KCNH8: variants seen among roughly 807,000 people sequenced by gnomAD.
KCNH8 encodes potassium voltage-gated channel subfamily H member 8.
Under a neutral mutation model 103.6 loss-of-function variants are expected in KCNH8, and 70 were observed. That is an observed-to-expected ratio of 0.68 (90% CI 0.56 to 0.82). The LOEUF is 0.82. Among genes scored for constraint, KCNH8 ranks in the 40% least tolerant of loss-of-function variants. The probability of loss-of-function intolerance (pLI) is 0.00; values close to 1 mark genes in which losing one functional copy is unlikely to be tolerated. For missense variants in KCNH8, 1,217 were observed against 1,329.9 expected, an observed-to-expected ratio of 0.92 and a Z score of 1.32; for synonymous variants, 498 against 489.4, an observed-to-expected ratio of 1.02 and a Z score of -0.23.
intron 3 of KCNH8, among the ~76,000 whole-genome samples, chr3:19,322,447 A>T (rs544757267): frequency 3.7e-4 from 57 of 152,272 alleles, no homozygotes; most frequent in South Asian, 8.3e-4. Context: ...TCCTTCATTT[A>T]TGAAGCTTAG....
chr3:19,331,950 A>G (rs1024541127), intron 3 of KCNH8, among the ~76,000 whole-genome samples: 1 of 152,090 alleles, frequency 6.6e-6, no homozygotes, highest in Non-Finnish European at 1.5e-5. Flanking sequence ...ACTTGTGAAG[A>G]TCCATATTCA....
chr3:19,333,406 T>A (rs1393424919), intron 3 of KCNH8, among the ~76,000 whole-genome samples: 1 of 152,192 alleles, frequency 6.6e-6, no homozygotes, highest in African/African-American at 2.4e-5. Context: ...TGTTTAGAAT[T>A]GCAAATGCAT....
chr3:19,320,448 T>C (rs539354285), intron 3 of KCNH8, among the ~76,000 whole-genome samples: 148 of 152,162 alleles, frequency 9.7e-4, no homozygotes, highest in African/African-American at 3.3e-3. Flanking sequence ...TCTGTTTATG[T>C]GGTGTATCAT....
intron 2 of KCNH8, among the ~76,000 whole-genome samples, chr3:19,262,723 G>C (rs1336897231): frequency 6.6e-6 from 1 of 152,014 alleles, no homozygotes; most frequent in Admixed American, 6.6e-5. Context: ...AGAGTTCCTA[G>C]CGTGGACGAC....
At chr3:19,467,312 C>CAT (rs1158004193) in intron 11 of KCNH8, among the ~76,000 whole-genome samples, 1 of 151,806 alleles carries the variant, frequency 6.6e-6, no homozygotes, top group African/African-American at 2.4e-5. Context: ...CACACACACA[C>CAT]ACACACACAC....
chr3:19,484,686 G>A (rs529362793), intron 11 of KCNH8, among the ~76,000 whole-genome samples: 11 of 151,384 alleles, frequency 7.3e-5, no homozygotes, highest in Admixed American at 1.3e-4. Context: ...TCCTTTCCAC[G>A]GTGGCTGTAA....
chr3:19,390,779 C>T (rs1219071710), intron 6 of KCNH8, 141 bp downstream of exon 6: 5 of 701,068 alleles, frequency 7.1e-6, no homozygotes, highest in Non-Finnish European at 1.1e-5. Context: ...CAGTGATATG[C>T]AGGCCAGATT....
intron 7 of KCNH8, among the ~76,000 whole-genome samples, chr3:19,421,071 CACTTTTTAAAAAATTGGTGAAACAACT>C (rs1159744840): frequency 5.3e-5 from 8 of 152,214 alleles, no homozygotes; most frequent in East Asian, 3.9e-4. Flanking sequence ...TAGAATTTGA[CACTTTTTAAAAAATTGGTGAAACAACT>C]ACTTTTTAAA....
intron 1 of KCNH8, 149 bp from the exon 2 acceptor site, chr3:19,253,505 G>A (rs2064305087): frequency 3.1e-6 from 2 of 655,476 alleles, no homozygotes; most frequent in Non-Finnish European, 5.4e-6. Context: ...TCCATTTTAT[G>A]TTTTGGAGTG....
At chr3:19,318,073 A>G (rs1393711835) in intron 3 of KCNH8, among the ~76,000 whole-genome samples, 2 of 151,966 alleles carry the variant, frequency 1.3e-5, no homozygotes, top group Non-Finnish European at 2.9e-5. Flanking sequence ...GTATCTGGAA[A>G]TTTCCATCAT....
intron 5 of KCNH8, among the ~76,000 whole-genome samples, chr3:19,364,351 C>G (rs755411162): frequency 1.3e-5 from 2 of 152,062 alleles, no homozygotes; most frequent in African/African-American, 2.4e-5. Context: ...TGACTCAATA[C>G]GGCATTCATG....
intron 7 of KCNH8, among the ~76,000 whole-genome samples, chr3:19,399,658 G>A (rs1334487815): frequency 6.6e-6 from 1 of 151,854 alleles, no homozygotes; most frequent in Non-Finnish European, 1.5e-5. Flanking sequence ...GTGTGTGCTT[G>A]CAGTTGGTAA....
At position 19,253,773 on chromosome 3, in the gene KCNH8, A is replaced by G. The variant is rs752168041; in HGVS notation, c.196A>G (p.Ser66Gly). 6.2e-7 allele frequency: 1 copy of G among 1,613,868 alleles called. No homozygotes were observed. The highest frequency in any genetic ancestry group is 2.2e-5 in the East Asian group (1 of 44,866). ...ARTEVMQKSC[S>G]CKFLFGVETN... ...AACTGAAGTCATGCAGAAGAGTTGT[A>G]GCTGCAAGTTCTTATTTGGGGTTGA... The change falls in exon 2 of 16, where the codon AGC becomes GGC. Residue 66 changes from serine to glycine, a missense_variant. Physicochemically the swap from Ser to Gly is moderately conservative, Grantham distance 56. Transcript: ENST00000328405.
At chr3:19,283,913 G>C (rs2064791884) in intron 3 of KCNH8, among the ~76,000 whole-genome samples, 1 of 148,684 alleles carries the variant, frequency 6.7e-6, no homozygotes, top group Admixed American at 6.7e-5. Flanking sequence ...CTGCACTCTA[G>C]CCTGGGTGAC....
At chr3:19,466,687 A>C (rs1308487465) in intron 11 of KCNH8, among the ~76,000 whole-genome samples, 1 of 107,032 alleles carries the variant, frequency 9.3e-6, no homozygotes. Flanking sequence ...TTTTTAGATG[A>C]AGTCTCGCTC....
At chr3:19,360,505 T>TGAG (rs1246301017) in intron 5 of KCNH8, among the ~76,000 whole-genome samples, 1 of 152,082 alleles carries the variant, frequency 6.6e-6, no homozygotes, top group African/African-American at 2.4e-5. Flanking sequence ...TCAGCAGAGT[T>TGAG]GAGTGGTTGC....
chr3:19,200,670 G>A (rs927444863), intron 1 of KCNH8, among the ~76,000 whole-genome samples: 2 of 151,976 alleles, frequency 1.3e-5, no homozygotes, highest in African/African-American at 4.8e-5. Flanking sequence ...AAGATTTGAT[G>A]TCTTCCTATG....
At chr3:19,467,123 A>G (rs2067755216) in intron 11 of KCNH8, among the ~76,000 whole-genome samples, 1 of 152,170 alleles carries the variant, frequency 6.6e-6, no homozygotes, top group Admixed American at 6.6e-5. Flanking sequence ...ACTTTATTGT[A>G]GTGGTTTGGA....
At chr3:19,295,692 C>A (rs907091859) in intron 3 of KCNH8, among the ~76,000 whole-genome samples, 8 of 152,036 alleles carry the variant, frequency 5.3e-5, no homozygotes, top group Non-Finnish European at 1.0e-4. Flanking sequence ...TGGGGAATGG[C>A]AGAAAATACT....
Sources: allele counts gnomAD v4.1 joint callset (sites outside exome capture counted in the v4.1 genomes callset), GRCh38; gene constraint gnomAD v4.1.1; transcripts MANE v1.5; gene names NCBI Gene and HGNC (gene_info 2026-07-23, HGNC 2026-07-21).